ERICH6B: variants seen among roughly 807,000 people sequenced by gnomAD.
ERICH6B encodes glutamate rich 6B.
A neutral mutation model predicts 80.0 loss-of-function variants in ERICH6B; 69 were observed. That is an observed-to-expected ratio of 0.86 (90% CI 0.71 to 1.05). The LOEUF (loss-of-function observed/expected upper bound fraction) is 1.05. ERICH6B is among the 50% of genes least tolerant of loss of function. ERICH6B has a pLI of 0.00. For synonymous variants in ERICH6B, 283 were observed against 291.9 expected (o/e 0.97, Z 0.31); for missense variants, 754 against 796.1 (o/e 0.95, Z 0.64).
chr13:45,615,277 C>G (rs1416004213), intron 1 of ERICH6B, among the ~76,000 whole-genome samples: 1 of 152,156 alleles, frequency 6.6e-6, no homozygotes, highest in African/African-American at 2.4e-5. Flanking sequence ...AGTTTTCGAT[C>G]TGGGGAATTT....
chr13:45,600,663 T>G (rs564411792), intron 2 of ERICH6B, among the ~76,000 whole-genome samples: 1 of 152,362 alleles, frequency 6.6e-6, no homozygotes, highest in East Asian at 1.9e-4. Flanking sequence ...TCCATTCATG[T>G]TGTTGCGGAA....
chr13:45,587,033 G>A (rs967909490), intron 5 of ERICH6B, 30 bp downstream of exon 5: 47 of 1,542,352 alleles, frequency 3.0e-5, no homozygotes, highest in Non-Finnish European at 3.6e-5. Context: ...GCCCGGCTGC[G>A]CCTCACCGAC....
chr13:45,600,798 T>C (rs1322517116), intron 2 of ERICH6B, among the ~76,000 whole-genome samples: 1 of 152,256 alleles, frequency 6.6e-6, no homozygotes, highest in Non-Finnish European at 1.5e-5. Flanking sequence ...AATACTGCTA[T>C]GATAAACATA....
intron 9 of ERICH6B, among the ~76,000 whole-genome samples, chr13:45,566,678 T>C (rs986798139): frequency 2.0e-5 from 3 of 152,238 alleles, no homozygotes; most frequent in Non-Finnish European, 2.9e-5. Flanking sequence ...TCAGAGGATG[T>C]ATGGAAACAT....
At position 45,570,511 on chromosome 13, in the gene ERICH6B, G is replaced by C. The variant is rs910783301; in HGVS notation, c.1051-2060C>G. Among the ~76,000 whole-genome samples the C allele has an allele frequency of 2.0e-5, 3 of 152,272 alleles. No individual in the cohort carries two copies. In the East Asian group the frequency reaches 5.8e-4, roughly 29 times the overall value. On this transcript the variant is annotated intron_variant, in intron 8 of 14. Coordinates refer to ENST00000298738, the MANE Select transcript of ERICH6B (RefSeq NM_182542.3). ...AGTTGTCAGAATAACTGAACTATAG[G>C]TTGATAGACCCCCTCCAAATAGGAG...
intron 2 of ERICH6B, among the ~76,000 whole-genome samples, chr13:45,606,545 ATATTTT>A (rs1347890698): frequency 2.3e-4 from 3 of 12,770 alleles, no homozygotes; most frequent in African/African-American, 3.4e-4. Context: ...ATATATATAT[ATATTTT>A]TTTTTTTTTT....
At chr13:45,585,691 G>T (rs954319162) in intron 5 of ERICH6B, among the ~76,000 whole-genome samples, 7 of 152,128 alleles carry the variant, frequency 4.6e-5, no homozygotes, top group Non-Finnish European at 1.5e-5. Context: ...ATTTCCTGTG[G>T]GTGGTCAGAC....
intron 2 of ERICH6B, among the ~76,000 whole-genome samples, chr13:45,600,165 C>A (rs904573441): frequency 6.6e-6 from 1 of 152,180 alleles, no homozygotes; most frequent in Non-Finnish European, 1.5e-5. Context: ...AAAACCTCAA[C>A]ATACCACCTA....
rs147931037 is a variant in ERICH6B at position 45,573,187 on chromosome 13, G to A, written c.1050+1655C>T. On this transcript the variant is annotated intron_variant, in intron 8 of 14. Coordinates refer to ENST00000298738, the MANE Select transcript of ERICH6B (RefSeq NM_182542.3). ...TATATTTATATGTACACACACACACGCAATACAAGACTGGAAACAACTTAA... is the reference window on the plus strand; with the variant it reads ...TATATTTATATGTACACACACACACACAATACAAGACTGGAAACAACTTAA... Among the ~76,000 whole-genome samples, 1,138 of 151,954 alleles carry A rather than the reference G, an allele frequency of 7.5e-3. 13 individuals carry two copies. Among genetic ancestry groups the A allele is most frequent in the African/African-American group, 0.025 (1,054 of 41,434 alleles).
intron 11 of ERICH6B, among the ~76,000 whole-genome samples, chr13:45,559,067 A>G (rs763489343): frequency 3.3e-5 from 5 of 152,050 alleles, no homozygotes; most frequent in Non-Finnish European, 5.9e-5. Context: ...TAAAATTACC[A>G]TTTCAATCTC....
chr13:45,575,433 C>T (rs746900930), intron 7 of ERICH6B, among the ~76,000 whole-genome samples: 16 of 151,850 alleles, frequency 1.1e-4, no homozygotes, highest in African/African-American at 1.5e-4. Context: ...AGGAGTCGGG[C>T]GAGTGAGGGA....
intron 11 of ERICH6B, chr13:45,553,211 A>G: frequency 4.5e-6 from 1 of 220,510 alleles, no homozygotes; most frequent in South Asian, 5.6e-5. Flanking sequence ...GCAGTTGTCC[A>G]ATCTTTGCTT....
At chr13:45,566,582 C>A (rs1455433857) in intron 9 of ERICH6B, among the ~76,000 whole-genome samples, 1 of 152,236 alleles carries the variant, frequency 6.6e-6, no homozygotes, top group African/African-American at 2.4e-5. Flanking sequence ...GGGTGTAAAC[C>A]CCAAGCCTTG....
At chr13:45,572,739 C>A (rs1875227410) in intron 8 of ERICH6B, among the ~76,000 whole-genome samples, 1 of 152,128 alleles carries the variant, frequency 6.6e-6, no homozygotes, top group Non-Finnish European at 1.5e-5. Flanking sequence ...TAAGGTCTTT[C>A]ATATATTAAA....
rs1040914517 is a variant in ERICH6B, at chr13:45,597,050, G to A, written c.-45C>T. ...GTGAACTCCTTCTGCAGCAGCCAAC[G>A]TCACTTTATTATCCTGTATCCAAGA... On this transcript the variant is annotated 5_prime_UTR_variant, in exon 3 of 15. The change creates a new upstream start codon in the 5' untranslated region. Transcript: ENST00000298738. 89 of 1,493,030 alleles carry A rather than the reference G, an allele frequency of 6.0e-5. No individual in the cohort carries two copies. Among genetic ancestry groups the A allele is most frequent in the Admixed American group, 9.1e-5 (4 of 44,028 alleles). 92.5% of individuals were successfully genotyped at this position (1,493,030 alleles called of 1,614,324 possible).
intron 9 of ERICH6B, among the ~76,000 whole-genome samples, chr13:45,567,776 G>C (rs952402144): frequency 1.3e-5 from 2 of 152,240 alleles, no homozygotes; most frequent in Non-Finnish European, 2.9e-5. Context: ...CCTGATGCCA[G>C]TGACACAGGT....
At chr13:45,561,827 T>C (rs1412476427) in intron 10 of ERICH6B, among the ~76,000 whole-genome samples, 1 of 152,148 alleles carries the variant, frequency 6.6e-6, no homozygotes, top group Non-Finnish European at 1.5e-5. Flanking sequence ...GGTCAACCTG[T>C]ACAGATGTGT....
intron 2 of ERICH6B, among the ~76,000 whole-genome samples, chr13:45,601,321 CG>C (rs1263339189): frequency 1.3e-5 from 2 of 152,108 alleles, no homozygotes; most frequent in Non-Finnish European, 2.9e-5. Flanking sequence ...GAGGCTGAAG[CG>C]GGAAGGATCA....
At chr13:45,591,844 G>T (rs1169788521) in intron 3 of ERICH6B, among the ~76,000 whole-genome samples, 1 of 152,150 alleles carries the variant, frequency 6.6e-6, no homozygotes, top group African/African-American at 2.4e-5. Flanking sequence ...ATGTTCGTGG[G>T]TTGGGGGATG....
Sources: allele counts gnomAD v4.1 joint callset (sites outside exome capture counted in the v4.1 genomes callset), GRCh38; gene constraint gnomAD v4.1.1; transcripts MANE v1.5; gene names NCBI Gene and HGNC (gene_info 2026-07-23, HGNC 2026-07-21).